The following CUL1 variants were observed in gnomAD, a reference collection of about 807,000 sequenced individuals.
CUL1 encodes cullin 1.
A neutral mutation model predicts 118.0 loss-of-function variants in CUL1; 24 were observed. That is an observed-to-expected ratio of 0.20 (90% CI 0.15 to 0.29). The LOEUF is 0.29. CUL1 is among the 10% of genes least tolerant of loss of function. The probability of loss-of-function intolerance (pLI) is 1.00; values close to 1 mark genes in which losing one functional copy is unlikely to be tolerated. For synonymous variants in CUL1, 332 were observed against 340.4 expected, an observed-to-expected ratio of 0.98 and a Z score of 0.27; for missense variants, 361 against 933.8, an observed-to-expected ratio of 0.39 and a Z score of 7.99.
chr7:148,756,086 T>A (rs956645901), intron 3 of CUL1, among the ~76,000 whole-genome samples: 3 of 152,222 alleles, frequency 2.0e-5, no homozygotes, highest in Non-Finnish European at 4.4e-5. Flanking sequence ...AGAAAAAAAA[T>A]TCCGGTTAGT....
At chr7:148,798,386 C>G (rs776451145) in intron 19 of CUL1, among the ~76,000 whole-genome samples, 186 bp from the exon 20 acceptor site, 7 of 152,034 alleles carry the variant, frequency 4.6e-5, no homozygotes, top group Non-Finnish European at 7.3e-5. Flanking sequence ...GAGTAGGAAA[C>G]TAGGCCATGA....
rs1799583834 is a variant in CUL1, at chr7:148,754,167, A to G, written c.315+17A>G. The stretch of plus-strand genomic sequence containing the variant: ...CTTCTTAAGGTAAGATGTTTTATAT[A>G]TATACTGAGTATTCATAACAGGATA... On this transcript the variant is annotated intron_variant, in intron 3 of 21. Coordinates refer to ENST00000325222, the MANE Select transcript of CUL1 (RefSeq NM_003592.3). The G allele has an allele frequency of 2.7e-6, 4 of 1,475,884 alleles. No homozygotes were observed. Among genetic ancestry groups the G allele is most frequent in the Non-Finnish European group, 3.7e-6 (4 of 1,071,236 alleles). 91.4% of individuals were successfully genotyped at this position (1,475,884 alleles called of 1,614,324 possible).
intron 9 of CUL1, among the ~76,000 whole-genome samples, chr7:148,778,826 C>T (rs1032087469): frequency 2.6e-5 from 4 of 152,200 alleles, no homozygotes; most frequent in African/African-American, 9.7e-5. Context: ...CAGCTTTCCA[C>T]GGACTGTCAG....
At chr7:148,777,669 C>G (rs1800449474) in intron 9 of CUL1, among the ~76,000 whole-genome samples, 5 of 152,084 alleles carry the variant, frequency 3.3e-5, no homozygotes, top group Admixed American at 3.3e-4. Context: ...CCCCTGAAAT[C>G]CAGGGGCAAC....
At chr7:148,773,846 T>C (rs1030655566) in intron 9 of CUL1, among the ~76,000 whole-genome samples, 3 of 152,214 alleles carry the variant, frequency 2.0e-5, no homozygotes, top group African/African-American at 7.2e-5. Context: ...CTTGAAATAA[T>C]GGCACATTGG....
chr7:148,781,364 A>T (rs1800626801), intron 9 of CUL1, among the ~76,000 whole-genome samples: 1 of 152,104 alleles, frequency 6.6e-6, no homozygotes, highest in Admixed American at 6.5e-5. Context: ...TACAGGCATG[A>T]GCCACCGCGC....
At chr7:148,741,891 T>C (rs548139715) in intron 2 of CUL1, among the ~76,000 whole-genome samples, 1 of 152,386 alleles carries the variant, frequency 6.6e-6, no homozygotes, top group South Asian at 2.1e-4. Context: ...TGTTATTTTC[T>C]GACTTTTTGA....
chr7:148,701,795 A>G (rs1797727510), intron 1 of CUL1, among the ~76,000 whole-genome samples: 1 of 152,242 alleles, frequency 6.6e-6, no homozygotes, highest in African/African-American at 2.4e-5. Flanking sequence ...GTTACTTGCC[A>G]TTCTTCAAAT....
chr7:148,730,380 C>T (rs1798720414), intron 2 of CUL1, 118 bp downstream of exon 2: 5 of 1,197,584 alleles, frequency 4.2e-6, no homozygotes, highest in Non-Finnish European at 5.7e-6. Flanking sequence ...GTAAAATAAT[C>T]GCAGGGTTCA....
intron 1 of CUL1, among the ~76,000 whole-genome samples, chr7:148,711,950 C>A (rs888564361): frequency 6.6e-6 from 1 of 152,234 alleles, no homozygotes; most frequent in African/African-American, 2.4e-5. Flanking sequence ...CACGTGCACA[C>A]CTCACTGGGA....
intron 9 of CUL1, among the ~76,000 whole-genome samples, chr7:148,777,579 T>C (rs1277705474): frequency 6.6e-6 from 1 of 152,104 alleles, no homozygotes; most frequent in African/African-American, 2.4e-5. Flanking sequence ...TGTTGGAGAG[T>C]TCTCCAAATT....
At chr7:148,698,644 C>T (rs1279305120), upstream of CUL1, 2 of 151,904 alleles carry the variant, frequency 1.3e-5, no homozygotes, top group African/African-American at 4.8e-5. Context: ...GGGCCCCTCC[C>T]GCGCCTCGGG....
chr7:148,787,417 A>G lies in CUL1; in HGVS notation c.1479+297A>G, dbSNP rs370153820. On this transcript the variant is annotated intron_variant, in intron 13 of 21. Transcript: ENST00000325222. The surrounding 1 kb of genome is among the most constrained non-coding windows in gnomAD (Gnocchi z 5.5). Reference sequence around the variant, plus strand: ...GCAGAGGTTGCGGTGAGCCGAGATCACACCACTACACTCCAGCCTGGGCAA... The same window carrying G: ...GCAGAGGTTGCGGTGAGCCGAGATCGCACCACTACACTCCAGCCTGGGCAA... Among the ~76,000 whole-genome samples the G allele has an allele frequency of 6.6e-6, 1 of 151,452 alleles. No homozygotes were observed. The highest frequency in any genetic ancestry group is 6.6e-5 in the Admixed American group (1 of 15,222).
chr7:148,753,597 A>G (rs1386478468), intron 2 of CUL1, among the ~76,000 whole-genome samples: 1 of 152,262 alleles, frequency 6.6e-6, no homozygotes, highest in Non-Finnish European at 1.5e-5. Context: ...GCATCATAAT[A>G]GACAGTGCTT....
At chr7:148,698,153 G>A (rs1797581771), upstream of CUL1, 1 of 152,282 alleles carries the variant, frequency 6.6e-6, no homozygotes, top group Non-Finnish European at 1.5e-5. Flanking sequence ...GTGGTAAGGG[G>A]GTCGAGAATT....
Position 148,786,539 on chromosome 7 carries a change from T to C in CUL1, c.1299-12T>C. 6.2e-7 allele frequency: 1 copy of C among 1,610,662 alleles called. No individual in the cohort carries two copies. The highest frequency in any genetic ancestry group is 8.5e-7 in the Non-Finnish European group (1 of 1,177,442). On this transcript the variant is annotated splice_polypyrimidine_tract_variant and intron_variant, in intron 11 of 21. Transcript: ENST00000325222. Reference sequence around the variant, plus strand: ...GATGTTTTAAAACATGGTATCTTTTTAAAATTTTCAGTTCCAAGAACCCAG... The same window carrying C: ...GATGTTTTAAAACATGGTATCTTTTCAAAATTTTCAGTTCCAAGAACCCAG...
Position 148,767,761 on chromosome 7 carries a change from T to A in CUL1, c.1083+12T>A. 6.2e-7 allele frequency: 1 copy of A among 1,610,980 alleles called. No individual in the cohort carries two copies. Among genetic ancestry groups the A allele is most frequent in the Non-Finnish European group, 8.5e-7 (1 of 1,178,940 alleles). ...AAGCTGCTTTAAATGTAAGTGAGATTTCATTGAAAATCAGTCAGGCTGATT... is the reference window on the plus strand; with the variant it reads ...AAGCTGCTTTAAATGTAAGTGAGATATCATTGAAAATCAGTCAGGCTGATT... On this transcript the variant is annotated intron_variant, in intron 9 of 21. Coordinates refer to ENST00000325222, the MANE Select transcript of CUL1 (RefSeq NM_003592.3).
At chr7:148,699,516 TC>T (rs1255756517) in intron 1 of CUL1, among the ~76,000 whole-genome samples, 1 of 151,988 alleles carries the variant, frequency 6.6e-6, no homozygotes, top group Non-Finnish European at 1.5e-5. Context: ...GGCGCTGCTT[TC>T]CGGCCGACGC....
chr7:148,716,940 A>G (rs1423550356), intron 1 of CUL1, among the ~76,000 whole-genome samples: 1 of 152,236 alleles, frequency 6.6e-6, no homozygotes, highest in African/African-American at 2.4e-5. Flanking sequence ...TGCTAGGTCA[A>G]AGGGTAAATG....
Sources: gnomAD v4.1 joint callset for allele counts (sites outside exome capture counted in the v4.1 genomes callset) on GRCh38, gnomAD v4.1.1 for gene constraint, Gnocchi (gnomAD v3.1) non-coding constraint, MANE v1.5 for transcripts, NCBI Gene and HGNC (gene_info 2026-07-23, HGNC 2026-07-21) for gene names.